Variants in PTPRU observed in about 807,000 individuals in gnomAD.
PTPRU encodes the protein receptor-type tyrosine-protein phosphatase U.
In PTPRU, 69 loss-of-function variants were observed where a neutral mutation model predicts 166.3. The ratio of observed to expected loss-of-function variants is 0.41; its 90% CI spans 0.34 to 0.51. PTPRU has a LOEUF of 0.51. PTPRU is among the 20% of genes least tolerant of loss of function. The pLI is 0.09. For synonymous variants in PTPRU, 793 were observed against 814.0 expected, an observed-to-expected ratio of 0.97 and a Z score of 0.44; for missense variants, 1,657 against 2,013.7, an observed-to-expected ratio of 0.82 and a Z score of 3.39.
intron 2 of PTPRU, among the ~76,000 whole-genome samples, chr1:29,255,998 T>C (rs116547152): frequency 2.4e-4 from 36 of 152,312 alleles, no homozygotes; most frequent in African/African-American, 8.7e-4. Flanking sequence ...GCTTTCATCA[T>C]GGCCCCTAGA....
At chr1:29,305,454 G>A in intron 18 of PTPRU, 26 bp downstream of exon 18, 3 of 1,604,802 alleles carry the variant, frequency 1.9e-6, no homozygotes, top group Middle Eastern at 1.7e-4. Context: ...TGTCATTTCT[G>A]CAGACCTGGC....
At chr1:29,302,693 G>T (rs1687191745) in intron 15 of PTPRU, among the ~76,000 whole-genome samples, 1 of 152,062 alleles carries the variant, frequency 6.6e-6, no homozygotes, top group South Asian at 2.1e-4. Flanking sequence ...GGGATTACAG[G>T]CTCGTGCCAT....
At chr1:29,243,837 G>A (rs1261997534) in intron 1 of PTPRU, among the ~76,000 whole-genome samples, 2 of 152,186 alleles carry the variant, frequency 1.3e-5, no homozygotes. Context: ...CAGGAGCTGG[G>A]GTTCTGCAGC....
At chr1:29,296,420 C>T (rs1412504455) in intron 15 of PTPRU, among the ~76,000 whole-genome samples, 3 of 151,512 alleles carry the variant, frequency 2.0e-5, no homozygotes, top group African/African-American at 7.3e-5. Context: ...GGATGAGTGA[C>T]ATTTTTAGAT....
chr1:29,298,537 C>T (rs1204090898), intron 15 of PTPRU, among the ~76,000 whole-genome samples: 1 of 152,200 alleles, frequency 6.6e-6, no homozygotes, highest in African/African-American at 2.4e-5. Flanking sequence ...CAGCTGGAAC[C>T]TTCCCAAGGT....
At position 29,320,601 on chromosome 1, in the gene PTPRU, G is replaced by C. The variant is rs1688109743; in HGVS notation, c.3688-84G>C. 7.0e-7 allele frequency: 1 copy of C among 1,426,622 alleles called. No individual in the cohort carries two copies. The highest frequency in any genetic ancestry group is 1.5e-5 in the South Asian group (1 of 66,798). 88.4% of individuals were successfully genotyped at this position (1,426,622 alleles called of 1,614,324 possible). On this transcript the variant is annotated intron_variant, in intron 25 of 29. Transcript: ENST00000373779. This position sits in a 1 kb window ranked among gnomAD's most constrained non-coding sequence, Gnocchi z 5.2. Reference sequence around the variant, plus strand: ...ACAACCGTCCAACTCAGGGTGGGCAGTGCGGGAAGACAGCCTGGGGCAGAG... The same window carrying C: ...ACAACCGTCCAACTCAGGGTGGGCACTGCGGGAAGACAGCCTGGGGCAGAG...
At position 29,283,934 on chromosome 1, in the gene PTPRU, C is replaced by T; in HGVS notation, c.2143-6C>T. 1 of 1,614,042 alleles carries T rather than the reference C, an allele frequency of 6.2e-7. No individual in the cohort carries two copies. Among genetic ancestry groups the T allele is most frequent in the East Asian group, 2.2e-5 (1 of 44,860 alleles). On this transcript the variant is annotated splice_polypyrimidine_tract_variant and splice_region_variant and intron_variant, in intron 12 of 29. Transcript: ENST00000373779. ...GCAACGCTGAGACCCCCATCTGTGC[C>T]TCCAGGAGACCCGGCTGAATTGCAT...
At chr1:29,270,701 G>A (rs1685523985) in intron 7 of PTPRU, among the ~76,000 whole-genome samples, 1 of 152,190 alleles carries the variant, frequency 6.6e-6, no homozygotes, top group Admixed American at 6.5e-5. Flanking sequence ...AGTGGCTCAT[G>A]CCTGTAATCC....
Position 29,291,222 on chromosome 1 carries a change from G to A in PTPRU, c.2319-647G>A, listed in dbSNP as rs374705777. ...TGGTGGGAATCTGGACCTTCTGTGGGTCTCTTTACAAGTCTGTGGTGGTCT... is the reference window on the plus strand; with the variant it reads ...TGGTGGGAATCTGGACCTTCTGTGGATCTCTTTACAAGTCTGTGGTGGTCT... On this transcript the variant is annotated intron_variant, in intron 14 of 29. Transcript: ENST00000373779. This position sits in a 1 kb window ranked among gnomAD's most constrained non-coding sequence, Gnocchi z 4.1. Among the ~76,000 whole-genome samples, 1 of 152,154 alleles carries A rather than the reference G, an allele frequency of 6.6e-6. No homozygotes were observed. Among genetic ancestry groups the A allele is most frequent in the South Asian group, 2.1e-4 (1 of 4,814 alleles).
chr1:29,313,154 G>A (rs532968259), intron 22 of PTPRU, among the ~76,000 whole-genome samples: 4 of 152,096 alleles, frequency 2.6e-5, no homozygotes, highest in African/African-American at 9.7e-5. Context: ...ACTGGCTCCC[G>A]TGACCCCAGC....
intron 7 of PTPRU, among the ~76,000 whole-genome samples, chr1:29,264,033 C>T (rs1051701376): frequency 6.6e-6 from 1 of 151,912 alleles, no homozygotes; most frequent in African/African-American, 2.4e-5. Context: ...AAAAATTAGC[C>T]AGGTGTGGTG....
In PTPRU at chr1:29,279,582, C is replaced by T; in HGVS notation, c.1690C>T (p.Leu564=). The change falls in exon 10 of 30, where the codon CTG becomes TTG. Residue 564 remains leucine, a synonymous_variant. Coordinates refer to ENST00000373779, the MANE Select transcript of PTPRU (RefSeq NM_133178.4). The surrounding 1 kb of genome is among the most constrained non-coding windows in gnomAD (Gnocchi z 5.2). ...CAACCTGCACCCAGGCACCACCTAC[C>T]TGTTCTCCGTGCGGGCCCGCACAGG... The part of the protein sequence containing the change: ...FSNLHPGTTY[L]FSVRARTGKG... 1 of 1,614,180 alleles carries T rather than the reference C, an allele frequency of 6.2e-7. No homozygotes were observed. The highest frequency in any genetic ancestry group is 8.5e-7 in the Non-Finnish European group (1 of 1,180,042).
At chr1:29,265,771 G>A (rs1685273156) in intron 7 of PTPRU, among the ~76,000 whole-genome samples, 1 of 152,036 alleles carries the variant, frequency 6.6e-6, no homozygotes, top group African/African-American at 2.4e-5. Flanking sequence ...TGTTGTTGTT[G>A]TTGTTAAGTA....
intron 2 of PTPRU, 49 bp from the exon 3 acceptor site, chr1:29,258,456 C>G: frequency 6.3e-7 from 1 of 1,579,004 alleles, no homozygotes; most frequent in African/African-American, 1.3e-5. Context: ...TGGCCCTGTC[C>G]CTCCCCTGAG....
intron 18 of PTPRU, chr1:29,307,106 G>A (rs1406210346): frequency 2.5e-6 from 4 of 1,612,794 alleles, no homozygotes; most frequent in South Asian, 2.2e-5. Context: ...GCTTTGTACT[G>A]TTTCCTCACT....
rs775811963 is a variant in PTPRU, at chr1:29,310,749, C to T, written c.2826C>T (p.Tyr942=). ...DYINANYIDG[Y]HRSNHFIATQ... ...GCCCTCTCCTCCTGTTCCAGGGTTA[C>T]CACAGGTCAAACCACTTCATAGCCA... Residue 942 remains tyrosine (Y), a synonymous_variant, in exon 19 of 30, where the codon TAC becomes TAT. Coordinates refer to ENST00000373779, the MANE Select transcript of PTPRU (RefSeq NM_133178.4). 1.9e-6 allele frequency: 3 copies of T among 1,613,850 alleles called. No homozygotes were observed. The highest frequency in any genetic ancestry group is 1.1e-5 in the South Asian group (1 of 91,082).
At chr1:29,252,095 A>G (rs1334628698) in intron 1 of PTPRU, among the ~76,000 whole-genome samples, 1 of 152,162 alleles carries the variant, frequency 6.6e-6, no homozygotes, top group African/African-American at 2.4e-5. Context: ...AAAGAGCCAA[A>G]GAGCTCAGCC....
chr1:29,255,646 C>T lies in PTPRU; in HGVS notation c.205+240C>T, dbSNP rs374960319. Among the ~76,000 whole-genome samples, 4 of 152,202 alleles carry T rather than the reference C, an allele frequency of 2.6e-5. No individual in the cohort carries two copies. In the East Asian group the frequency reaches 5.8e-4, roughly 22 times the overall value. On this transcript the variant is annotated intron_variant, in intron 2 of 29. Coordinates refer to ENST00000373779, the MANE Select transcript of PTPRU (RefSeq NM_133178.4). ...CATGGCTGTGAGCTAAAACTCACTTCCAATTACTCCCCTTGCTGCCTAGCT... is the reference window on the plus strand; with the variant it reads ...CATGGCTGTGAGCTAAAACTCACTTTCAATTACTCCCCTTGCTGCCTAGCT...
Position 29,311,211 on chromosome 1 carries a change from GTCC to G in PTPRU, c.2858-238_2858-236del. On this transcript the variant is annotated intron_variant, in intron 19 of 29. Coordinates refer to ENST00000373779, the MANE Select transcript of PTPRU (RefSeq NM_133178.4). The surrounding 1 kb of genome is among the most constrained non-coding windows in gnomAD (Gnocchi z 4.1). The stretch of plus-strand genomic sequence containing the variant: ...ACTCATGCCATTGCCCAACCATCTG[GTCC>G]TCCTCCAGGGTCCCATTCAGGATGA... 1.7e-6 allele frequency: 1 copy of G among 590,892 alleles called. No individual in the cohort carries two copies. The highest frequency in any genetic ancestry group is 3.0e-6 in the Non-Finnish European group (1 of 331,404). 36.6% of individuals were successfully genotyped at this position (590,892 alleles called of 1,614,324 possible). A position where few individuals can be genotyped will look rare whatever the true frequency, so the allele number is the denominator to read the frequency against.
Sources: gnomAD v4.1 joint callset for allele counts (sites outside exome capture counted in the v4.1 genomes callset) on GRCh38, gnomAD v4.1.1 for gene constraint, Gnocchi (gnomAD v3.1) non-coding constraint, MANE v1.5 for transcripts, NCBI Gene and HGNC (gene_info 2026-07-23, HGNC 2026-07-21) for gene names.